The following ZNRD2 variants were observed in gnomAD, a reference collection of about 807,000 sequenced individuals.
ZNRD2 encodes the protein protein ZNRD2.
In ZNRD2, 16 loss-of-function variants were observed where a neutral mutation model predicts 22.0. The ratio of observed to expected loss-of-function variants is 0.73; its 90% CI spans 0.49 to 1.11. ZNRD2 has a LOEUF of 1.11. Among genes scored for constraint, ZNRD2 ranks in the 50% least tolerant of loss-of-function variants. The probability of loss-of-function intolerance (pLI) is 0.00; values close to 1 mark genes in which losing one functional copy is unlikely to be tolerated. For synonymous variants in ZNRD2, 105 were observed against 109.8 expected (o/e 0.96, Z 0.27); for missense variants, 269 against 258.9 (o/e 1.04, Z -0.27).
chr11:65,571,245 TAC>T (rs1857119536), intron 3 of ZNRD2, 144 bp from the exon 4 acceptor site: 10 of 1,087,708 alleles, frequency 9.2e-6, no homozygotes, highest in Non-Finnish European at 1.3e-5. Flanking sequence ...ATAAATGTGA[TAC>T]AAAGTAGAAA....
chr11:65,570,998 G>A, intron 3 of ZNRD2, 28 bp downstream of exon 3: 4 of 1,598,846 alleles, frequency 2.5e-6, no homozygotes, highest in Non-Finnish European at 3.4e-6. Context: ...TCCGGGAGAG[G>A]GGCCGGATAT....
Position 65,571,883 on chromosome 11 carries a change from G to A in ZNRD2, c.*149G>A. 8.5e-7 allele frequency: 1 copy of A among 1,172,240 alleles called. No individual in the cohort carries two copies. Among genetic ancestry groups the A allele is most frequent in the East Asian group, 2.6e-5 (1 of 38,734 alleles). 72.6% of individuals were successfully genotyped at this position (1,172,240 alleles called of 1,614,324 possible). A position where few individuals can be genotyped will look rare whatever the true frequency, so the allele number is the denominator to read the frequency against. On this transcript the variant is annotated 3_prime_UTR_variant, in exon 4 of 4. Transcript: ENST00000309328. Reference sequence around the variant, plus strand: ...TTCACCTCTCCACTCTGCTCTCCTTGACGCCCTGAGATGAGTTGAGCTTGT... The same window carrying A: ...TTCACCTCTCCACTCTGCTCTCCTTAACGCCCTGAGATGAGTTGAGCTTGT...
In ZNRD2 at chr11:65,571,789, G is replaced by GT. The variant is rs1249916530; in HGVS notation, c.*62dup. 7 of 1,484,784 alleles carry GT rather than the reference G, an allele frequency of 4.7e-6. No individual in the cohort carries two copies. The highest frequency in any genetic ancestry group is 4.9e-5 in the East Asian group (2 of 40,802). 92.0% of individuals were successfully genotyped at this position (1,484,784 alleles called of 1,614,324 possible). ...AAACAGCTGTTCCTCTGTGTGGTTT[G>GT]TTTTTTTCCTGGTTCCAAGTGTGCA... On this transcript the variant is annotated 3_prime_UTR_variant, in exon 4 of 4. Coordinates refer to ENST00000309328, the MANE Select transcript of ZNRD2 (RefSeq NM_006396.3).
At position 65,570,490 on chromosome 11, in the gene ZNRD2, A is replaced by T. The variant is rs781747587; in HGVS notation, c.-2A>T. On this transcript the variant is annotated 5_prime_UTR_variant, in exon 1 of 4. Transcript: ENST00000309328. The stretch of plus-strand genomic sequence containing the variant: ...TGTGAGCCCGGCGGTGACAACGGCA[A>T]CATGGCCCTGAACGGAGCTGGTGAG... 6.2e-7 allele frequency: 1 copy of T among 1,613,732 alleles called. No homozygotes were observed. Among genetic ancestry groups the T allele is most frequent in the Non-Finnish European group, 8.5e-7 (1 of 1,179,964 alleles).
In ZNRD2 at chr11:65,570,896, T is replaced by A. The variant is rs1857112391; in HGVS notation, c.182T>A (p.Leu61His). 1.2e-6 allele frequency: 2 copies of A among 1,614,124 alleles called. No individual in the cohort carries two copies. The highest frequency in any genetic ancestry group is 1.7e-4 in the Middle Eastern group (1 of 6,060). ...ETCADCGTILLQDKQRKIYCV... is the reference protein window; with the variant it reads ...ETCADCGTILHQDKQRKIYCV... ...CTTTTTGGTCCGTAGACGATCCTCC[T>A]CCAAGACAAACAGCGGAAAATCTAC... is the stretch of plus-strand genomic sequence containing the variant. Residue 61 changes from leucine to histidine, a missense_variant, in exon 3 of 4, where the codon CTC becomes CAC. Coordinates refer to ENST00000309328, the MANE Select transcript of ZNRD2 (RefSeq NM_006396.3).
chr11:65,571,826 G>C lies in ZNRD2; in HGVS notation c.*92G>C. ...GTTCCAAGTGTGCATGCCAGCCCCA[G>C]CTCCACTCACCTTTTTCCAGCTTTT... On this transcript the variant is annotated 3_prime_UTR_variant, in exon 4 of 4. Coordinates refer to ENST00000309328, the MANE Select transcript of ZNRD2 (RefSeq NM_006396.3). The C allele has an allele frequency of 6.9e-7, 1 of 1,448,342 alleles. No homozygotes were observed. The highest frequency in any genetic ancestry group is 9.1e-7 in the Non-Finnish European group (1 of 1,102,606). 89.7% of individuals were successfully genotyped at this position (1,448,342 alleles called of 1,614,324 possible).
chr11:65,571,294 C>T, intron 3 of ZNRD2, 97 bp from the exon 4 acceptor site: 1 of 1,448,754 alleles, frequency 6.9e-7, no homozygotes. Flanking sequence ...AGGGAAAACA[C>T]CTCAAGCACA....
At chr11:65,570,810 A>T (rs1857110165) in intron 2 of ZNRD2, 55 bp downstream of exon 2, 1 of 1,612,448 alleles carries the variant, frequency 6.2e-7, no homozygotes. Context: ...CAGGCCACTC[A>T]GCCCTTCCCC....
intron 3 of ZNRD2, 111 bp from the exon 4 acceptor site, chr11:65,571,280 G>A (rs1771273224): frequency 7.3e-6 from 10 of 1,364,164 alleles, no homozygotes; most frequent in African/African-American, 1.5e-5. Flanking sequence ...CCTTATAGAG[G>A]GACAGGGAAA....
Position 65,571,880 on chromosome 11 carries a change from C to A in ZNRD2, c.*146C>A. The stretch of plus-strand genomic sequence containing the variant: ...CTCTTCACCTCTCCACTCTGCTCTC[C>A]TTGACGCCCTGAGATGAGTTGAGCT... On this transcript the variant is annotated 3_prime_UTR_variant, in exon 4 of 4. Coordinates refer to ENST00000309328, the MANE Select transcript of ZNRD2 (RefSeq NM_006396.3). 8.3e-7 allele frequency: 1 copy of A among 1,198,512 alleles called. No individual in the cohort carries two copies. Among genetic ancestry groups the A allele is most frequent in the Non-Finnish European group, 1.1e-6 (1 of 883,596 alleles). 74.2% of individuals were successfully genotyped at this position (1,198,512 alleles called of 1,614,324 possible).
rs763035102 is a variant in ZNRD2, at chr11:65,570,989, C to G, written c.256+19C>G. 2 of 1,610,266 alleles carry G rather than the reference C, an allele frequency of 1.2e-6. No homozygotes were observed. The highest frequency in any genetic ancestry group is 1.7e-6 in the Non-Finnish European group (2 of 1,176,840). ...AATCCCGGTAAGAGTAAAAAATAAT[C>G]CGGGAGAGGGGCCGGATATGCTTAG... On this transcript the variant is annotated intron_variant, in intron 3 of 3. Transcript: ENST00000309328.
In ZNRD2 at chr11:65,571,626, C is replaced by T; in HGVS notation, c.492C>T (p.Ala164=). Residue 164 remains alanine (A), a synonymous_variant, in exon 4 of 4, where the codon GCC becomes GCT. Transcript: ENST00000309328. ...QTALLQKLTW[A]SAELGSSTSL... ...CCCTCTTGCAGAAGCTGACCTGGGC[C>T]TCTGCTGAACTGGGCTCTAGCACCT... 3 of 1,614,162 alleles carry T rather than the reference C, an allele frequency of 1.9e-6. No individual in the cohort carries two copies. The highest frequency in any genetic ancestry group is 2.5e-6 in the Non-Finnish European group (3 of 1,180,044).
intron 3 of ZNRD2, 47 bp from the exon 4 acceptor site, chr11:65,571,344 G>T: frequency 6.5e-7 from 1 of 1,536,214 alleles, no homozygotes; most frequent in Non-Finnish European, 8.8e-7. Context: ...CAGGGCTGAG[G>T]TGGGCCAGGC....
chr11:65,571,821 C>G lies in ZNRD2; in HGVS notation c.*87C>G. On this transcript the variant is annotated 3_prime_UTR_variant, in exon 4 of 4. Coordinates refer to ENST00000309328, the MANE Select transcript of ZNRD2 (RefSeq NM_006396.3). ...TCCTGGTTCCAAGTGTGCATGCCAG[C>G]CCCAGCTCCACTCACCTTTTTCCAG... 1 of 1,451,616 alleles carries G rather than the reference C, an allele frequency of 6.9e-7. No individual in the cohort carries two copies. Among genetic ancestry groups the G allele is most frequent in the Non-Finnish European group, 9.1e-7 (1 of 1,103,620 alleles). 89.9% of individuals were successfully genotyped at this position (1,451,616 alleles called of 1,614,324 possible).
intron 1 of ZNRD2, 22 bp downstream of exon 1, chr11:65,570,532 G>T (rs1256110033): frequency 1.9e-6 from 3 of 1,613,818 alleles, no homozygotes; most frequent in Non-Finnish European, 2.5e-6. Flanking sequence ...GGCGGCAGGG[G>T]TTTGTGGCTG....
chr11:65,571,234 C>T (rs1379198207), intron 3 of ZNRD2, among the ~76,000 whole-genome samples, 157 bp from the exon 4 acceptor site: 2 of 152,158 alleles, frequency 1.3e-5, no homozygotes, highest in Non-Finnish European at 2.9e-5. Context: ...GAAGCTAGGG[C>T]ATAAATGTGA....
At chr11:65,571,339 C>A in intron 3 of ZNRD2, 52 bp from the exon 4 acceptor site, 1 of 1,533,692 alleles carries the variant, frequency 6.5e-7, no homozygotes, top group South Asian at 1.3e-5. Flanking sequence ...TGGCTCAGGG[C>A]TGAGGTGGGC....
Position 65,570,702 on chromosome 11 carries a change from G to C in ZNRD2, c.118G>C (p.Asp40His), listed in dbSNP as rs1434568782. Residue 40 changes from aspartate (D) to histidine (H), a missense_variant, in exon 2 of 4, where the codon GAC becomes CAC. Coordinates refer to ENST00000309328, the MANE Select transcript of ZNRD2 (RefSeq NM_006396.3). The part of the protein sequence containing the change: ...RQDRISRLMG[D>H]YLLRGYRMLG... ...AGATCGCATCTCCCGGCTCATGGGC[G>C]ACTATCTGCTGCGCGGTTACCGCAT... 6.2e-7 allele frequency: 1 copy of C among 1,613,846 alleles called. No individual in the cohort carries two copies.
In ZNRD2 at chr11:65,571,726, C is replaced by A. The variant is rs1208936320; in HGVS notation, c.592C>A (p.Gln198Lys). The change falls in exon 4 of 4, where the codon CAG becomes AAG. Residue 198 changes from glutamine to lysine, a missense_variant. By Grantham distance (53) the Gln-to-Lys change is moderately conservative. Transcript: ENST00000309328. ...AEALRSLQQL[Q>K]H ...GGCCCTGCGCAGCCTGCAGCAGCTACAGCACTAAGAGAAGCCCCTGAGAAA... is the reference window on the plus strand; with the variant it reads ...GGCCCTGCGCAGCCTGCAGCAGCTAAAGCACTAAGAGAAGCCCCTGAGAAA... 2 of 1,606,010 alleles carry A rather than the reference C, an allele frequency of 1.2e-6. No individual in the cohort carries two copies. Among genetic ancestry groups the A allele is most frequent in the Non-Finnish European group, 1.7e-6 (2 of 1,175,832 alleles).
Sources: allele counts gnomAD v4.1 joint callset (sites outside exome capture counted in the v4.1 genomes callset), GRCh38; gene constraint gnomAD v4.1.1; transcripts MANE v1.5; gene names NCBI Gene and HGNC (gene_info 2026-07-23, HGNC 2026-07-21).